The following ADCY8 variants were observed in gnomAD, a reference collection of about 807,000 sequenced individuals.
The protein encoded by ADCY8 is adenylate cyclase type 8.
A neutral mutation model predicts 119.7 loss-of-function variants in ADCY8; 51 were observed. That is an observed-to-expected ratio of 0.43 (90% CI 0.34 to 0.54). The LOEUF (loss-of-function observed/expected upper bound fraction) is 0.54. Among genes scored for constraint, ADCY8 ranks in the 20% least tolerant of loss-of-function variants. The probability of loss-of-function intolerance (pLI) is 0.03; values close to 1 mark genes in which losing one functional copy is unlikely to be tolerated. For synonymous variants in ADCY8, 665 were observed against 651.0 expected (o/e 1.02, Z -0.33); for missense variants, 1,383 against 1,598.8 (o/e 0.87, Z 2.30).
At chr8:130,899,999 T>C (rs1043956139) in intron 7 of ADCY8, among the ~76,000 whole-genome samples, 1 of 152,228 alleles carries the variant, frequency 6.6e-6, no homozygotes, top group Non-Finnish European at 1.5e-5. Context: ...CCTGTGATCA[T>C]AAACTTCTTG....
At chr8:131,029,540 T>C (rs991592126) in intron 1 of ADCY8, among the ~76,000 whole-genome samples, 9 of 152,136 alleles carry the variant, frequency 5.9e-5, no homozygotes, top group African/African-American at 1.7e-4. Context: ...TTGCTAGCAA[T>C]TGGACTCTAT....
intron 12 of ADCY8, among the ~76,000 whole-genome samples, chr8:130,822,170 C>T (rs1816530127): frequency 6.6e-6 from 1 of 152,074 alleles, no homozygotes. Context: ...AAGGATACAT[C>T]CTTGTTGCCA....
At chr8:130,800,299 G>A in intron 15 of ADCY8, 127 bp downstream of exon 15, 1 of 1,061,664 alleles carries the variant, frequency 9.4e-7, no homozygotes, top group Non-Finnish European at 1.4e-6. Flanking sequence ...ACATGTTTGT[G>A]TTTATAATGC....
At chr8:130,848,690 T>C (rs1232348080) in intron 10 of ADCY8, among the ~76,000 whole-genome samples, 3 of 152,156 alleles carry the variant, frequency 2.0e-5, no homozygotes, top group Non-Finnish European at 4.4e-5. Flanking sequence ...ATGCCTCAAC[T>C]AGCCTCTCTC....
intron 14 of ADCY8, among the ~76,000 whole-genome samples, chr8:130,812,526 G>A (rs1816201494): frequency 1.3e-5 from 2 of 152,204 alleles, no homozygotes; most frequent in African/African-American, 4.8e-5. Context: ...GTCCTTTTAA[G>A]AAGGGCTGTG....
rs756362758 is a variant in ADCY8 at position 130,780,867 on chromosome 8, G to A, written c.3279C>T (p.His1093=). ...CGATAACGCCAGCTACCACTGAGCC[G>A]TGGCTGATGCCTGGGGGGTGAAGCA... is the stretch of plus-strand genomic sequence containing the variant. ...NNFELRIGIS[H]GSVVAGVIGA... The change falls in exon 18 of 18, where the codon CAC becomes CAT. Residue 1093 remains histidine (H), a synonymous_variant. Transcript: ENST00000286355. 9 of 1,613,316 alleles carry A rather than the reference G, an allele frequency of 5.6e-6. No homozygotes were observed. Among genetic ancestry groups the A allele is most frequent in the Middle Eastern group, 1.7e-4 (1 of 6,042 alleles).
intron 12 of ADCY8, among the ~76,000 whole-genome samples, chr8:130,833,320 T>C (rs1490705515): frequency 6.6e-6 from 1 of 152,184 alleles, no homozygotes; most frequent in Non-Finnish European, 1.5e-5. Context: ...TTCTTCAGAA[T>C]GTTACTCTGA....
chr8:131,013,752 G>A (rs143709876), intron 1 of ADCY8, among the ~76,000 whole-genome samples: 57 of 152,248 alleles, frequency 3.7e-4, no homozygotes, highest in African/African-American at 1.1e-3. Context: ...GTTACTGAGC[G>A]AAAAATAGCA....
intron 1 of ADCY8, among the ~76,000 whole-genome samples, chr8:131,005,538 G>T (rs1194069480): frequency 2.0e-5 from 3 of 152,124 alleles, no homozygotes; most frequent in Admixed American, 2.0e-4. Context: ...CTAAAAAACT[G>T]CCCTTCTGTG....
At chr8:130,788,865 A>G (rs149240485) in intron 15 of ADCY8, among the ~76,000 whole-genome samples, 114 of 152,126 alleles carry the variant, frequency 7.5e-4, no homozygotes, top group African/African-American at 2.7e-3. Context: ...CTTGAAACAC[A>G]CAAGAATATG....
At chr8:131,022,366 TAC>T (rs1823698097) in intron 1 of ADCY8, among the ~76,000 whole-genome samples, 1 of 152,190 alleles carries the variant, frequency 6.6e-6, no homozygotes, top group Non-Finnish European at 1.5e-5. Flanking sequence ...AATGAGAACA[TAC>T]AGTGTTTGGT....
intron 7 of ADCY8, chr8:130,892,867 G>C (rs7821012): frequency 0.47 from 71,488 of 151,946 alleles, 18,390 homozygotes; most frequent in East Asian, 0.63. Flanking sequence ...GTCCCTTAGA[G>C]CTGGCCTAAG....
intron 7 of ADCY8, among the ~76,000 whole-genome samples, chr8:130,885,003 T>C (rs1167394236): frequency 2.0e-5 from 3 of 152,110 alleles, no homozygotes; most frequent in East Asian, 1.9e-4. Context: ...ATTCCTTTGG[T>C]TGAGGTATTT....
At chr8:130,823,535 T>A (rs968739791) in intron 12 of ADCY8, among the ~76,000 whole-genome samples, 21 of 152,182 alleles carry the variant, frequency 1.4e-4, no homozygotes, top group Non-Finnish European at 2.6e-4. Flanking sequence ...ATCACTGAGT[T>A]AATACTGTCA....
At chr8:130,912,317 A>T (rs1223384966) in intron 5 of ADCY8, among the ~76,000 whole-genome samples, 1 of 152,206 alleles carries the variant, frequency 6.6e-6, no homozygotes, top group Non-Finnish European at 1.5e-5. Context: ...GCACGTGGTT[A>T]ACACTTAGCA....
intron 14 of ADCY8, among the ~76,000 whole-genome samples, chr8:130,811,114 C>G (rs1816151471): frequency 6.6e-6 from 1 of 152,204 alleles, no homozygotes; most frequent in African/African-American, 2.4e-5. Flanking sequence ...GGAAACCAGG[C>G]CTGAGCCCAG....
chr8:131,017,722 T>A (rs1322689631), intron 1 of ADCY8, among the ~76,000 whole-genome samples: 3 of 152,084 alleles, frequency 2.0e-5, no homozygotes, highest in Admixed American at 2.0e-4. Flanking sequence ...CTACTAGCAA[T>A]CACTGCATCT....
chr8:130,820,366 G>C (rs1436819040), intron 13 of ADCY8, among the ~76,000 whole-genome samples: 2 of 152,086 alleles, frequency 1.3e-5, no homozygotes, highest in Non-Finnish European at 2.9e-5. Context: ...TCCTTGCTGT[G>C]CTTTCCTCCT....
In ADCY8 at chr8:131,040,017, G is replaced by T; in HGVS notation, c.317C>A (p.Thr106Asn). 6.4e-7 allele frequency: 1 copy of T among 1,556,458 alleles called. No individual in the cohort carries two copies. The highest frequency in any genetic ancestry group is 2.4e-5 in the East Asian group (1 of 41,866). The change falls in exon 1 of 18, where the codon ACC (threonine) becomes AAC (asparagine). Residue 106 changes from threonine (T) to asparagine (N), a missense_variant. Physicochemically the swap from Thr to Asn is moderately conservative, Grantham distance 65. Around this residue, in one of 2 missense-constraint regions of ADCY8, gnomAD observed 455 missense variants for 435.3 expected, o/e 1.05. Transcript: ENST00000286355. ...CCCGCTGCGTTCCGGGAAGACTTTG[G>T]TGCCGCAGGTGCTGTGCGCTCGCTC... is the stretch of plus-strand genomic sequence containing the variant. ...PGERAHSTCGTKVFPERSGSG... is the reference protein window; with the variant it reads ...PGERAHSTCGNKVFPERSGSG...
Sources: gnomAD v4.1 joint callset for allele counts (sites outside exome capture counted in the v4.1 genomes callset) on GRCh38, gnomAD v4.1.1 for gene constraint, gnomAD v4.1.1 regional missense constraint, MANE v1.5 for transcripts, NCBI Gene and HGNC (gene_info 2026-07-23, HGNC 2026-07-21) for gene names.